Variants in MYO9A observed in about 807,000 individuals in gnomAD.
MYO9A encodes the protein myosin IXA.
In MYO9A, 103 loss-of-function variants were observed where a neutral mutation model predicts 293.3. The ratio of observed to expected loss-of-function variants is 0.35; its 90% CI spans 0.30 to 0.41. The LOEUF (loss-of-function observed/expected upper bound fraction) is 0.41, where lower values mean the gene tolerates loss of function less well. Ranked by LOEUF, MYO9A falls within the 10% of genes least tolerant of loss-of-function variation. The probability of loss-of-function intolerance (pLI) is 1.00; values close to 1 mark genes in which losing one functional copy is unlikely to be tolerated. For missense variants in MYO9A, 2,685 were observed against 3,033.0 expected, an observed-to-expected ratio of 0.89 and a Z score of 2.69; for synonymous variants, 1,001 against 1,035.7, an observed-to-expected ratio of 0.97 and a Z score of 0.64.
At position 71,880,457 on chromosome 15, in the gene MYO9A, G is replaced by T. The variant is rs74475742; in HGVS notation, c.5500C>A (p.Arg1834Ser). The T allele has an allele frequency of 2.5e-4, 403 of 1,614,168 alleles. 2 individuals are homozygous for T. In the South Asian group the frequency reaches 4.2e-3, roughly 17 times the overall value. ...TTGCTAATCTTCACACTTCGCTTGC[G>T]CTTAGCCTTTGGAGAAGGTTCTTTG... ...ENKEPSPKAK[R>S]KRSVKISNVA... Residue 1834 changes from arginine (R) to serine (S), a missense_variant, in exon 29 of 42, where the codon CGC becomes AGC. By Grantham distance (110) the Arg-to-Ser change is moderately radical (BLOSUM62 -1). This residue lies in a region of MYO9A where 1,434 missense variants were observed against 1,497.7 expected (regional missense o/e 0.96). Transcript: ENST00000356056.
chr15:72,015,010 A>ATT (rs34039364), intron 6 of MYO9A, among the ~76,000 whole-genome samples: 3,463 of 134,632 alleles, frequency 0.026, 93 homozygotes, highest in African/African-American at 0.058. Flanking sequence ...CGCCCTGCTA[A>ATT]TTTTTTTTTT....
At chr15:72,077,048 C>T (rs990251929) in intron 1 of MYO9A, among the ~76,000 whole-genome samples, 3 of 150,900 alleles carry the variant, frequency 2.0e-5, no homozygotes, top group African/African-American at 7.3e-5. Flanking sequence ...AATCTCAACA[C>T]AGACCTTACA....
intron 39 of MYO9A, among the ~76,000 whole-genome samples, chr15:71,847,011 C>G (rs2055417018): frequency 2.0e-5 from 3 of 152,158 alleles, no homozygotes; most frequent in African/African-American, 7.2e-5. Flanking sequence ...ATAGGAGATG[C>G]TGAAAGTAAT....
rs746930924 is a variant in MYO9A at position 71,852,223 on chromosome 15, G to A, written c.6384C>T (p.His2128=). 2.0e-5 allele frequency: 33 copies of A among 1,612,964 alleles called. No individual in the cohort carries two copies. The highest frequency in any genetic ancestry group is 9.3e-5 in the African/African-American group (7 of 74,868). Residue 2128 remains histidine (H), a synonymous_variant, in exon 36 of 42, where the codon CAC becomes CAT. Coordinates refer to ENST00000356056, the MANE Select transcript of MYO9A (RefSeq NM_006901.4). ...ATTGTTTGAATACACTTGCAATGACGTGTATGTTATAGTCATCTAGATTTA... is the reference window on the plus strand; with the variant it reads ...ATTGTTTGAATACACTTGCAATGACATGTATGTTATAGTCATCTAGATTTA... ...ESVNLDDYNI[H]VIASVFKQWL... is the part of the protein sequence containing the mutation.
intron 4 of MYO9A, 62 bp from the exon 5 acceptor site, chr15:72,021,079 G>C: frequency 9.6e-7 from 1 of 1,041,586 alleles, no homozygotes; most frequent in Non-Finnish European, 1.4e-6. Context: ...ATTTAACAGG[G>C]GGAGGGGGGA....
At chr15:72,108,762 ATTT>A (rs3028363) in intron 1 of MYO9A, among the ~76,000 whole-genome samples, 4 of 139,238 alleles carry the variant, frequency 2.9e-5, no homozygotes, top group Admixed American at 7.3e-5. Context: ...TGACACATAC[ATTT>A]TTTTTTTTTT....
chr15:72,077,755 AT>A (rs2079415163), intron 1 of MYO9A, among the ~76,000 whole-genome samples: 73 of 25,022 alleles, frequency 2.9e-3, no homozygotes, highest in Middle Eastern at 0.015. Context: ...AAAAAAAAAT[AT>A]ATATATATAT....
Position 71,825,983 on chromosome 15 carries a change from CG to C in MYO9A, c.*596del, listed in dbSNP as rs1386496575. 2 of 144,726 alleles carry C rather than the reference CG, an allele frequency of 1.4e-5. No individual in the cohort carries two copies. Among genetic ancestry groups the C allele is most frequent in the Non-Finnish European group, 3.0e-5 (2 of 66,960 alleles). 9.0% of individuals were successfully genotyped at this position (144,726 alleles called of 1,614,324 possible). A position where few individuals can be genotyped will look rare whatever the true frequency, so the allele number is the denominator to read the frequency against. On this transcript the variant is annotated 3_prime_UTR_variant, in exon 42 of 42. Coordinates refer to ENST00000356056, the MANE Select transcript of MYO9A (RefSeq NM_006901.4). ...TCTGATGGCTTAATGGAAACAATCA[CG>C]GTTTTTTTTTGTTTTTTTTTTTTTG...
rs781400091 is a variant in MYO9A, at chr15:71,897,560, C to T, written c.4943G>A (p.Arg1648Lys). The T allele has an allele frequency of 1.9e-6, 3 of 1,614,150 alleles. No homozygotes were observed. Among genetic ancestry groups the T allele is most frequent in the African/African-American group, 2.7e-5 (2 of 75,040 alleles). ...ATTGTGGCTGTAAGACTGAGTTGGC[C>T]TAAAGTGTTCTCTTTTTGAAATGCG... Reference protein sequence around the residue: ...NNRISKREHFRPTQSYSHNSD... With the variant: ...NNRISKREHFKPTQSYSHNSD... Residue 1648 changes from arginine (R) to lysine (K), a missense_variant, in exon 25 of 42, where the codon AGG becomes AAG. Arg to Lys is a conservative substitution (Grantham distance 26, BLOSUM62 2). Coordinates refer to ENST00000356056, the MANE Select transcript of MYO9A (RefSeq NM_006901.4).
rs754336429 is a variant in MYO9A at position 71,878,110 on chromosome 15, A to C, written c.5861T>G (p.Val1954Gly). Reference protein sequence around the residue: ...SLGESPVRVWVNTFKVFLDEY... With the variant: ...SLGESPVRVWGNTFKVFLDEY... ...ATCTAAAAACACTTTAAAAGTGTTG[A>C]CCCAAACTCTCACTGGAGATTCACC... Residue 1954 changes from valine to glycine, a missense_variant, in exon 31 of 42, where the codon GTC (valine) becomes GGC (glycine). Physicochemically the swap from Val to Gly is moderately radical, Grantham distance 109. Coordinates refer to ENST00000356056, the MANE Select transcript of MYO9A (RefSeq NM_006901.4). 13 of 1,611,646 alleles carry C rather than the reference A, an allele frequency of 8.1e-6. No individual in the cohort carries two copies. Among genetic ancestry groups the C allele is most frequent in the Non-Finnish European group, 1.1e-5 (13 of 1,179,256 alleles).
In MYO9A at chr15:71,967,996, T is replaced by C. The variant is rs774378953; in HGVS notation, c.1974A>G (p.Lys658=). The change falls in exon 13 of 42, where the codon AAA becomes AAG. Residue 658 remains lysine, a synonymous_variant. Transcript: ENST00000356056. ...FIIKHYAGKV[K]YGVKDFREKN... ...GAAATTTACTGACCTTTACCCCATA[T>C]TTTACTTTTCCAGCATAATGTTTTA... 26 of 1,610,048 alleles carry C rather than the reference T, an allele frequency of 1.6e-5. No individual in the cohort carries two copies. Among genetic ancestry groups the C allele is most frequent in the Non-Finnish European group, 2.0e-5 (24 of 1,178,612 alleles).
chr15:71,861,825 AAGAAC>A (rs953428018), intron 33 of MYO9A, among the ~76,000 whole-genome samples: 3 of 152,170 alleles, frequency 2.0e-5, no homozygotes, highest in Non-Finnish European at 4.4e-5. Flanking sequence ...GTCTAAGTGA[AAGAAC>A]AGAGAATTTC....
At chr15:71,934,465 C>T (rs1328207721) in intron 17 of MYO9A, among the ~76,000 whole-genome samples, 1 of 152,072 alleles carries the variant, frequency 6.6e-6, no homozygotes, top group Non-Finnish European at 1.5e-5. Flanking sequence ...ATAAATAGAA[C>T]CTACTAATAT....
intron 27 of MYO9A, among the ~76,000 whole-genome samples, chr15:71,887,396 G>A (rs572351882): frequency 3.3e-5 from 5 of 152,166 alleles, no homozygotes; most frequent in African/African-American, 1.2e-4. Flanking sequence ...TCCCCTGTTC[G>A]CCTAAAAGCA....
chr15:71,850,174 A>G lies in MYO9A; in HGVS notation c.6582-7T>C, dbSNP rs762831071. 1 of 1,613,934 alleles carries G rather than the reference A, an allele frequency of 6.2e-7. No individual in the cohort carries two copies. Among genetic ancestry groups the G allele is most frequent in the Non-Finnish European group, 8.5e-7 (1 of 1,179,828 alleles). ...GTCTTCCTGCAGAGCAATCCTAAGA[A>G]TTAAAACAAAACAAAAAACAAATGA... On this transcript the variant is annotated splice_polypyrimidine_tract_variant and splice_region_variant and intron_variant, in intron 37 of 41. Coordinates refer to ENST00000356056, the MANE Select transcript of MYO9A (RefSeq NM_006901.4).
In MYO9A at chr15:72,094,499, T is replaced by A. The variant is rs781106112; in HGVS notation, c.-72+23181A>T. Reference sequence around the variant, plus strand: ...ATTCTTGCAGTATTTCAAGCTTTTTTAAACTTTTTTATGTATTTATTTATT... The same window carrying A: ...ATTCTTGCAGTATTTCAAGCTTTTTAAAACTTTTTTATGTATTTATTTATT... On this transcript the variant is annotated intron_variant, in intron 1 of 41. Coordinates refer to ENST00000356056, the MANE Select transcript of MYO9A (RefSeq NM_006901.4). Among the ~76,000 whole-genome samples the A allele has an allele frequency of 3.3e-4, 30 of 91,300 alleles. 5 individuals are homozygous for A. Among genetic ancestry groups the A allele is most frequent in the African/African-American group, 4.9e-4 (19 of 38,672 alleles). 59.9% of individuals were successfully genotyped at this position (91,300 alleles called of 152,430 possible).
intron 15 of MYO9A, among the ~76,000 whole-genome samples, chr15:71,944,982 T>A (rs995433407): frequency 6.6e-6 from 1 of 152,216 alleles, no homozygotes; most frequent in Non-Finnish European, 1.5e-5. Context: ...ATTCTTCAGT[T>A]TCTCCTAGTA....
chr15:71,841,191 T>C (rs991933282), intron 39 of MYO9A, among the ~76,000 whole-genome samples: 2 of 152,250 alleles, frequency 1.3e-5, no homozygotes, highest in African/African-American at 2.4e-5. Flanking sequence ...ATGGTGATAA[T>C]TTTATTTCTT....
intron 11 of MYO9A, among the ~76,000 whole-genome samples, chr15:71,984,414 GT>G (rs1181654286): frequency 5.9e-5 from 9 of 152,194 alleles, no homozygotes; most frequent in African/African-American, 2.2e-4. Flanking sequence ...AAATATCTTT[GT>G]ATTTAACATG....
Sources: gnomAD v4.1 joint callset for allele counts (sites outside exome capture counted in the v4.1 genomes callset) on GRCh38, gnomAD v4.1.1 for gene constraint, gnomAD v4.1.1 regional missense constraint, MANE v1.5 for transcripts, NCBI Gene and HGNC (gene_info 2026-07-23, HGNC 2026-07-21) for gene names.